RANBP2: variants seen among roughly 807,000 people sequenced by gnomAD.
The protein encoded by RANBP2 is RAN binding protein 2, also known as E3 SUMO-protein ligase RanBP2.
RANBP2 carries 57 observed loss-of-function variants against 303.6 expected under a neutral mutation model. The ratio of observed to expected loss-of-function variants is 0.19; its 90% CI spans 0.15 to 0.23. The LOEUF (loss-of-function observed/expected upper bound fraction) is 0.23, where lower values mean the gene tolerates loss of function less well. RANBP2 is among the 10% of genes least tolerant of loss of function. The probability of loss-of-function intolerance (pLI) is 1.00; values close to 1 mark genes in which losing one functional copy is unlikely to be tolerated. For synonymous variants in RANBP2, 1,167 were observed against 1,301.5 expected, an observed-to-expected ratio of 0.90 and a Z score of 2.23; for missense variants, 3,138 against 3,780.8, an observed-to-expected ratio of 0.83 and a Z score of 4.46.
the RANBP2 span, among the ~76,000 whole-genome samples, chr2:108,877,400 A>C: frequency 1.3e-5 from 2 of 152,178 alleles, no homozygotes; most frequent in Admixed American, 1.3e-4. Context: ...TGGGAGGCAG[A>C]GGTTCCAGTG....
the RANBP2 span, among the ~76,000 whole-genome samples, chr2:109,487,792 G>A: frequency 1.2e-4 from 18 of 152,118 alleles, no homozygotes; most frequent in Non-Finnish European, 2.1e-4. Context: ...GGCTCTCCCC[G>A]ACGGGCCCAA....
chr2:109,471,616 CTG>C, the RANBP2 span, among the ~76,000 whole-genome samples: 1 of 152,202 alleles, frequency 6.6e-6, no homozygotes, highest in African/African-American at 2.4e-5. Context: ...GGCCCAGACA[CTG>C]TTGTATTCCA....
At chr2:109,004,600 G>T in the RANBP2 span, among the ~76,000 whole-genome samples, 1 of 152,210 alleles carries the variant, frequency 6.6e-6, no homozygotes, top group Non-Finnish European at 1.5e-5. Flanking sequence ...CAAAGGCACA[G>T]TGAGAAGCGA....
the RANBP2 span, among the ~76,000 whole-genome samples, chr2:109,415,342 G>A: frequency 1.3e-5 from 2 of 152,218 alleles, no homozygotes; most frequent in African/African-American, 4.8e-5. Flanking sequence ...TAAGCAGGCT[G>A]CCTGAGTTCA....
At chr2:109,719,957 G>A in the RANBP2 span, among the ~76,000 whole-genome samples, 1 of 152,162 alleles carries the variant, frequency 6.6e-6, no homozygotes, top group African/African-American at 2.4e-5. Context: ...CAAGCTGGGA[G>A]TAACAGGAGG....
the RANBP2 span, among the ~76,000 whole-genome samples, chr2:109,550,372 G>A: frequency 3.9e-3 from 589 of 151,574 alleles, 3 homozygotes; most frequent in Non-Finnish European, 5.3e-3. Flanking sequence ...GAGTGCAGTG[G>A]CATAATCTTG....
intron 6 of RANBP2, among the ~76,000 whole-genome samples, chr2:108,739,615 T>C (rs191295587): frequency 1.0e-3 from 152 of 152,320 alleles, no homozygotes; most frequent in African/African-American, 3.5e-3. Context: ...AAGTGTTTGC[T>C]TTTTGCTTTT....
At chr2:109,332,413 C>T in the RANBP2 span, among the ~76,000 whole-genome samples, 3 of 152,280 alleles carry the variant, frequency 2.0e-5, no homozygotes, top group South Asian at 6.2e-4. Context: ...TCCCCCAGCA[C>T]CCCGAGCAGG....
downstream of RANBP2, among the ~76,000 whole-genome samples, chr2:108,788,440 T>C (rs1006843278): frequency 6.9e-6 from 1 of 145,694 alleles, no homozygotes; most frequent in Non-Finnish European, 1.5e-5. Context: ...AAAAATAGGC[T>C]GCGCGCGGTG....
the RANBP2 span, among the ~76,000 whole-genome samples, chr2:109,522,511 G>A: frequency 6.6e-6 from 1 of 152,018 alleles, no homozygotes; most frequent in Admixed American, 6.6e-5. Flanking sequence ...TGGCCAGGCT[G>A]GTCTAGAACT....
At chr2:108,981,302 C>A in the RANBP2 span, among the ~76,000 whole-genome samples, 3 of 152,192 alleles carry the variant, frequency 2.0e-5, no homozygotes, top group African/African-American at 7.2e-5. Flanking sequence ...GCCGCACCCG[C>A]CCCAGGTGGC....
At chr2:109,686,181 G>A in the RANBP2 span, among the ~76,000 whole-genome samples, 2 of 152,142 alleles carry the variant, frequency 1.3e-5, no homozygotes, top group East Asian at 1.9e-4. Context: ...GAGAAAGGTG[G>A]GGAGGGCCCT....
At chr2:109,325,869 A>G in the RANBP2 span, among the ~76,000 whole-genome samples, 1 of 152,234 alleles carries the variant, frequency 6.6e-6, no homozygotes, top group African/African-American at 2.4e-5. Context: ...CACTCCTGGG[A>G]AAAAGTTCAG....
At chr2:109,124,123 G>GC in the RANBP2 span, among the ~76,000 whole-genome samples, 1 of 151,900 alleles carries the variant, frequency 6.6e-6, no homozygotes, top group Non-Finnish European at 1.5e-5. Context: ...CGAGTCTCAT[G>GC]CCTCAGTCTC....
At chr2:109,235,296 C>A in the RANBP2 span, among the ~76,000 whole-genome samples, 1,121 of 152,322 alleles carry the variant, frequency 7.4e-3, 10 homozygotes, top group South Asian at 0.023. Context: ...CAAGGTCTTT[C>A]TTCTCCCCTC....
At chr2:108,866,604 G>T in the RANBP2 span, among the ~76,000 whole-genome samples, 1 of 152,156 alleles carries the variant, frequency 6.6e-6, no homozygotes, top group Non-Finnish European at 1.5e-5. Context: ...ATTAAAATAG[G>T]CCAGGCATGG....
chr2:109,152,427 T>C, the RANBP2 span, among the ~76,000 whole-genome samples: 1 of 152,216 alleles, frequency 6.6e-6, no homozygotes, highest in African/African-American at 2.4e-5. Flanking sequence ...GGCTCCGATC[T>C]CAAGTTGAGA....
chr2:109,565,805 T>G, the RANBP2 span: 20 of 1,614,008 alleles, frequency 1.2e-5, no homozygotes, highest in Non-Finnish European at 1.6e-5. Flanking sequence ...TTGACCATCT[T>G]GTTTCCGACT....
At chr2:109,197,525 A>G in the RANBP2 span, among the ~76,000 whole-genome samples, 5 of 152,240 alleles carry the variant, frequency 3.3e-5, no homozygotes, top group African/African-American at 1.2e-4. Flanking sequence ...TCAGATGCCC[A>G]TATTCCCACA....
Sources: allele counts gnomAD v4.1 joint callset (sites outside exome capture counted in the v4.1 genomes callset), GRCh38; gene constraint gnomAD v4.1.1; transcripts MANE v1.5; gene names NCBI Gene and HGNC (gene_info 2026-07-23, HGNC 2026-07-21).